Variants in CYYR1 observed in about 807,000 individuals in gnomAD.
CYYR1 encodes the protein cysteine and tyrosine-rich protein 1.
In CYYR1, 14 loss-of-function variants were observed where a neutral mutation model predicts 15.2. That is an observed-to-expected ratio of 0.92 (90% CI 0.61 to 1.44). The LOEUF (loss-of-function observed/expected upper bound fraction) is 1.44. Ranked by LOEUF, CYYR1 falls within the 40% of genes most tolerant of loss-of-function variation. CYYR1 has a pLI of 0.00. For synonymous variants in CYYR1, 80 were observed against 77.4 expected (o/e 1.03, Z -0.18); for missense variants, 228 against 209.5 (o/e 1.09, Z -0.54).
At chr21:26,527,045 G>A (rs2065875759) in intron 2 of CYYR1, among the ~76,000 whole-genome samples, 1 of 152,176 alleles carries the variant, frequency 6.6e-6, no homozygotes, top group Non-Finnish European at 1.5e-5. Context: ...AAGGATCTGG[G>A]CCTTTTTTTC....
At chr21:26,495,954 G>T (rs1180799707) in intron 2 of CYYR1, among the ~76,000 whole-genome samples, 3 of 152,174 alleles carry the variant, frequency 2.0e-5, no homozygotes, top group Admixed American at 1.3e-4. Flanking sequence ...GGCTTCCCCA[G>T]TTATTTAGCT....
At position 26,573,258 on chromosome 21, in the gene CYYR1, A is replaced by G; in HGVS notation, c.-318T>C. On this transcript the variant is annotated 5_prime_UTR_variant, in exon 1 of 4. An upstream start codon of the reference 5' UTR is lost. Transcript: ENST00000652641. ...GGCGTCCTTGGCCACCCAGGCTCAC[A>G]TTTCATCTCCGCGGGTGGCAACGAC... 7.4e-7 allele frequency: 1 copy of G among 1,347,208 alleles called. No homozygotes were observed. The highest frequency in any genetic ancestry group is 9.7e-7 in the Non-Finnish European group (1 of 1,034,206). The allele number at this position is 1,347,208 out of a possible 1,614,324, so 83.5% of individuals were successfully genotyped here. A position where few individuals can be genotyped will look rare whatever the true frequency, so the allele number is the denominator to read the frequency against.
At chr21:26,481,958 A>C (rs984998480) in intron 2 of CYYR1, among the ~76,000 whole-genome samples, 17 of 152,062 alleles carry the variant, frequency 1.1e-4, no homozygotes, top group African/African-American at 3.9e-4. Context: ...TAAATGTGAA[A>C]AATAAAAATA....
In CYYR1 at chr21:26,468,528, AG is replaced by A. The variant is rs2123348929; in HGVS notation, c.440del (p.Pro147LeufsTer57). 1.2e-6 allele frequency: 2 copies of A among 1,601,124 alleles called. No homozygotes were observed. The highest frequency in any genetic ancestry group is 1.1e-5 in the South Asian group (1 of 90,824). On this transcript the variant is annotated frameshift_variant, in exon 4 of 4. Coordinates refer to ENST00000652641, the MANE Select transcript of CYYR1 (RefSeq NM_001320768.2). LOFTEE classifies it high-confidence loss of function. ...ATTTCCTTGCGTTTCCAGGATAAGGAGGGGGTGGAGAACGCTGTGCTGGACC... is the reference window on the plus strand; with the variant it reads ...ATTTCCTTGCGTTTCCAGGATAAGGAGGGGTGGAGAACGCTGTGCTGGACC... ...PQGPAQRSPP[P>X]PYPGNARK
At chr21:26,526,972 C>A (rs1275448660) in intron 2 of CYYR1, among the ~76,000 whole-genome samples, 1 of 152,206 alleles carries the variant, frequency 6.6e-6, no homozygotes, top group Non-Finnish European at 1.5e-5. Flanking sequence ...TGACTCAGAG[C>A]AGGCACAAGC....
rs369539371 is a variant in CYYR1 at position 26,566,257 on chromosome 21, A to C, written c.176+9T>G. The C allele has an allele frequency of 6.2e-7, 1 of 1,604,452 alleles. No homozygotes were observed. Among genetic ancestry groups the C allele is most frequent in the African/African-American group, 1.3e-5 (1 of 74,712 alleles). The stretch of plus-strand genomic sequence containing the variant: ...AGCATCAGTATTGCCAAATCTGACG[A>C]ATACTCACGAGAGGATATTCCCAAT... On this transcript the variant is annotated intron_variant, in intron 2 of 3. Coordinates refer to ENST00000652641, the MANE Select transcript of CYYR1 (RefSeq NM_001320768.2).
chr21:26,530,269 C>CT (rs1310704246), intron 2 of CYYR1, among the ~76,000 whole-genome samples: 1 of 151,852 alleles, frequency 6.6e-6, no homozygotes, highest in Non-Finnish European at 1.5e-5. Flanking sequence ...TAAATATATA[C>CT]TTTTTAATTT....
intron 2 of CYYR1, among the ~76,000 whole-genome samples, chr21:26,554,152 G>GT (rs1444469386): frequency 2.6e-5 from 4 of 152,098 alleles, no homozygotes; most frequent in Non-Finnish European, 5.9e-5. Flanking sequence ...ATTCTCAACT[G>GT]TTACATACAA....
At chr21:26,521,420 C>A (rs147092545) in intron 2 of CYYR1, among the ~76,000 whole-genome samples, 1 of 152,168 alleles carries the variant, frequency 6.6e-6, no homozygotes, top group Non-Finnish European at 1.5e-5. Context: ...TAGAGATATG[C>A]TCAGGTATTT....
chr21:26,498,529 G>T (rs2065437354), intron 2 of CYYR1, among the ~76,000 whole-genome samples: 1 of 152,178 alleles, frequency 6.6e-6, no homozygotes, highest in Non-Finnish European at 1.5e-5. Flanking sequence ...TTGACTAATG[G>T]TTGTGAATGT....
intron 3 of CYYR1, among the ~76,000 whole-genome samples, chr21:26,470,099 A>G (rs1468444452): frequency 1.3e-5 from 2 of 152,154 alleles, no homozygotes; most frequent in Admixed American, 1.3e-4. Context: ...TAATAATGCA[A>G]ATAAGTGGGC....
intron 2 of CYYR1, among the ~76,000 whole-genome samples, chr21:26,489,045 G>T (rs2065291256): frequency 2.6e-5 from 4 of 152,144 alleles, no homozygotes; most frequent in African/African-American, 7.2e-5. Context: ...AATATTTAAT[G>T]TGGAAATGGC....
At chr21:26,499,954 G>A (rs968943802) in intron 2 of CYYR1, among the ~76,000 whole-genome samples, 6 of 151,990 alleles carry the variant, frequency 3.9e-5, no homozygotes, top group African/African-American at 1.5e-4. Context: ...GTTGCCTTGG[G>A]CTGCTATGAC....
chr21:26,565,978 G>A (rs2123731692), intron 2 of CYYR1, among the ~76,000 whole-genome samples: 1 of 152,242 alleles, frequency 6.6e-6, no homozygotes, highest in South Asian at 2.1e-4. Context: ...ATAAAATGAT[G>A]TCTACTTAAA....
At chr21:26,520,420 T>C (rs774532124) in intron 2 of CYYR1, among the ~76,000 whole-genome samples, 91 of 152,142 alleles carry the variant, frequency 6.0e-4, no homozygotes, top group Admixed American at 1.4e-3. Flanking sequence ...CATTCCTTTT[T>C]ATGGCTGCAT....
At chr21:26,554,122 T>A (rs559121846) in intron 2 of CYYR1, among the ~76,000 whole-genome samples, 3 of 152,276 alleles carry the variant, frequency 2.0e-5, no homozygotes, top group African/African-American at 7.2e-5. Context: ...CACAATTTTT[T>A]AAAGAGCTTA....
chr21:26,499,662 G>T (rs2065453714), intron 2 of CYYR1, among the ~76,000 whole-genome samples: 1 of 152,144 alleles, frequency 6.6e-6, no homozygotes, highest in African/African-American at 2.4e-5. Flanking sequence ...TGGAAATGAG[G>T]TTGGACAGAT....
chr21:26,540,110 T>C (rs1194918646), intron 2 of CYYR1, among the ~76,000 whole-genome samples: 1 of 152,230 alleles, frequency 6.6e-6, no homozygotes, highest in Non-Finnish European at 1.5e-5. Flanking sequence ...CATTAGACTA[T>C]GAGTTCTTCA....
chr21:26,537,320 G>C (rs149352083), intron 2 of CYYR1, among the ~76,000 whole-genome samples: 58 of 152,210 alleles, frequency 3.8e-4, no homozygotes, highest in African/African-American at 1.4e-3. Context: ...CTGTTCTTTC[G>C]TGTAACAATC....
Sources: gnomAD v4.1 joint callset for allele counts (sites outside exome capture counted in the v4.1 genomes callset) on GRCh38, gnomAD v4.1.1 for gene constraint, MANE v1.5 for transcripts, NCBI Gene and HGNC (gene_info 2026-07-23, HGNC 2026-07-21) for gene names.